The following CSMD3 variants were observed in gnomAD, a reference collection of about 807,000 sequenced individuals.
CSMD3 encodes the protein CUB and sushi domain-containing protein 3.
Under a neutral mutation model 435.2 loss-of-function variants are expected in CSMD3, and 177 were observed. The observed-to-expected ratio is 0.41, with a 90% CI of 0.36 to 0.46. The LOEUF is 0.46. Ranked by LOEUF, CSMD3 falls within the 20% of genes least tolerant of loss-of-function variation. The pLI is 0.34. For missense variants in CSMD3, 4,265 were observed against 4,504.6 expected, an observed-to-expected ratio of 0.95 and a Z score of 1.52; for synonymous variants, 1,656 against 1,520.5, an observed-to-expected ratio of 1.09 and a Z score of -2.07.
chr8:112,976,211 A>G (rs1480219549), intron 6 of CSMD3, 63 bp from the exon 7 acceptor site: 4 of 1,551,220 alleles, frequency 2.6e-6, no homozygotes, highest in Non-Finnish European at 3.5e-6. Context: ...ATTTTTTCTG[A>G]TAAATTTAAT....
At chr8:113,167,942 G>C (rs2092185769) in intron 4 of CSMD3, among the ~76,000 whole-genome samples, 1 of 152,178 alleles carries the variant, frequency 6.6e-6, no homozygotes, top group Non-Finnish European at 1.5e-5. Context: ...CTCAAAGTCT[G>C]TGCTAAAACA....
chr8:113,244,664 T>C (rs1340710033), intron 3 of CSMD3, among the ~76,000 whole-genome samples: 1 of 152,130 alleles, frequency 6.6e-6, no homozygotes, highest in South Asian at 2.1e-4. Flanking sequence ...TTCTTTGCCA[T>C]GTGAATATTC....
At position 113,129,013 on chromosome 8, in the gene CSMD3, ACT is replaced by A. The variant is rs572421416; in HGVS notation, c.710-30052_710-30051del. Among the ~76,000 whole-genome samples, 24 of 152,146 alleles carry A rather than the reference ACT, an allele frequency of 1.6e-4. No individual in the cohort carries two copies. In the South Asian group the frequency reaches 3.7e-3, roughly 24 times the overall value. On this transcript the variant is annotated intron_variant, in intron 4 of 70. Transcript: ENST00000297405. ...GAGAAAGTTAGTGATCTGTTACTAG[ACT>A]CTCTTCCATTTGGAAGTAATCAGTA...
In CSMD3 at chr8:112,829,704, G is replaced by T; in HGVS notation, c.1841C>A (p.Pro614His). Residue 614 changes from proline (P) to histidine (H), a missense_variant, in exon 12 of 71, where the codon CCT becomes CAT. By Grantham distance (77) the Pro-to-His change is moderately conservative. Coordinates refer to ENST00000297405, the MANE Select transcript of CSMD3 (RefSeq NM_198123.2). ...TIGDGGEVGD[P>H]RTVLQVLTGS... ...AACTTACACTTGGAGCACTGTCCTAGGATCTCCAACTTCGCCCCCATCGCC... is the reference window on the plus strand; with the variant it reads ...AACTTACACTTGGAGCACTGTCCTATGATCTCCAACTTCGCCCCCATCGCC... 1 of 1,607,856 alleles carries T rather than the reference G, an allele frequency of 6.2e-7. No individual in the cohort carries two copies. Among genetic ancestry groups the T allele is most frequent in the Non-Finnish European group, 8.5e-7 (1 of 1,174,442 alleles).
intron 24 of CSMD3, among the ~76,000 whole-genome samples, chr8:112,563,551 A>G (rs947569115): frequency 6.6e-6 from 1 of 151,974 alleles, no homozygotes; most frequent in Non-Finnish European, 1.5e-5. Flanking sequence ...TATCCTGTAC[A>G]TCATAGATTT....
At chr8:112,275,445 G>A (rs1817954414) in intron 59 of CSMD3, among the ~76,000 whole-genome samples, 1 of 152,152 alleles carries the variant, frequency 6.6e-6, no homozygotes, top group Non-Finnish European at 1.5e-5. Flanking sequence ...TACTCAGGAA[G>A]CTGAGGCAGG....
rs143540067 is a variant in CSMD3 at position 113,421,931 on chromosome 8, A to G, written c.178+14746T>C. Among the ~76,000 whole-genome samples, 246 of 152,282 alleles carry G rather than the reference A, an allele frequency of 1.6e-3. 2 individuals carry two copies. Among genetic ancestry groups the G allele is most frequent in the Non-Finnish European group, 1.9e-3 (132 of 68,012 alleles). On this transcript the variant is annotated intron_variant, in intron 1 of 70. Coordinates refer to ENST00000297405, the MANE Select transcript of CSMD3 (RefSeq NM_198123.2). ...GACAGGTTTGAGTGATTACTGGGAAACATTATCTGAATAATAAGACAACTT... is the reference window on the plus strand; with the variant it reads ...GACAGGTTTGAGTGATTACTGGGAAGCATTATCTGAATAATAAGACAACTT...
chr8:112,916,285 C>T (rs2082569168), intron 10 of CSMD3, among the ~76,000 whole-genome samples: 1 of 151,694 alleles, frequency 6.6e-6, no homozygotes, highest in South Asian at 2.1e-4. Flanking sequence ...TCTAATTGTT[C>T]AGGGAGTTTT....
chr8:112,389,985 A>G (rs1036714158), intron 36 of CSMD3, among the ~76,000 whole-genome samples: 8 of 152,172 alleles, frequency 5.3e-5, no homozygotes, highest in Admixed American at 3.9e-4. Flanking sequence ...CCTTGCTAAC[A>G]CAGATCTGGC....
intron 3 of CSMD3, among the ~76,000 whole-genome samples, chr8:113,276,882 T>C (rs773507910): frequency 6.6e-6 from 1 of 151,962 alleles, no homozygotes; most frequent in African/African-American, 2.4e-5. Context: ...GTCAAAAATA[T>C]ATGAATCTAT....
intron 3 of CSMD3, among the ~76,000 whole-genome samples, chr8:113,248,228 A>G (rs2093296292): frequency 6.6e-6 from 1 of 151,734 alleles, no homozygotes; most frequent in African/African-American, 2.4e-5. Context: ...TGTTGAATAC[A>G]ATGGTTAAAA....
At chr8:112,678,846 A>C (rs2075822992) in intron 16 of CSMD3, among the ~76,000 whole-genome samples, 1 of 152,140 alleles carries the variant, frequency 6.6e-6, no homozygotes, top group African/African-American at 2.4e-5. Flanking sequence ...ATATGAAGAT[A>C]ATTTAAAAGT....
rs547790802 is a variant in CSMD3, at chr8:113,424,475, G to C, written c.178+12202C>G. Among the ~76,000 whole-genome samples, 123 of 151,502 alleles carry C rather than the reference G, an allele frequency of 8.1e-4. 1 individual carries two copies. The highest frequency in any genetic ancestry group is 2.9e-3 in the African/African-American group (121 of 41,440). On this transcript the variant is annotated intron_variant, in intron 1 of 70. Coordinates refer to ENST00000297405, the MANE Select transcript of CSMD3 (RefSeq NM_198123.2). ...CTTGCTTTTTTTAGGTGTTGACCTT[G>C]ATAAGTTAGCTCAGTCTTCTTTCAT...
chr8:112,841,858 G>T (rs2080186651), intron 11 of CSMD3, among the ~76,000 whole-genome samples: 1 of 151,768 alleles, frequency 6.6e-6, no homozygotes, highest in South Asian at 2.1e-4. Flanking sequence ...ATTGATGTGG[G>T]TGACTTTACT....
chr8:112,269,659 T>C (rs1401874363), intron 59 of CSMD3, among the ~76,000 whole-genome samples: 1 of 152,146 alleles, frequency 6.6e-6, no homozygotes, highest in Non-Finnish European at 1.5e-5. Context: ...TTATAATTAA[T>C]ATCCCAAAAC....
At chr8:112,482,337 AT>A (rs376918796) in intron 31 of CSMD3, among the ~76,000 whole-genome samples, 22 of 152,364 alleles carry the variant, frequency 1.4e-4, no homozygotes, top group African/African-American at 5.3e-4. Context: ...CAGTTAATGT[AT>A]GATACTATGT....
Position 112,948,314 on chromosome 8 carries a change from A to T in CSMD3, c.1421-437T>A, listed in dbSNP as rs547493232. Among the ~76,000 whole-genome samples, 20 of 152,130 alleles carry T rather than the reference A, an allele frequency of 1.3e-4. No homozygotes were observed. In the South Asian group the frequency reaches 3.7e-3, roughly 28 times the overall value. On this transcript the variant is annotated intron_variant, in intron 8 of 70. Coordinates refer to ENST00000297405, the MANE Select transcript of CSMD3 (RefSeq NM_198123.2). ...ATAAAAAATACGACTTTATGAAAAA[A>T]GTTCAAAGTTCTAACACTTCTTATC...
chr8:112,541,291 C>G (rs1163145006), intron 27 of CSMD3, among the ~76,000 whole-genome samples: 1 of 151,600 alleles, frequency 6.6e-6, no homozygotes, highest in Non-Finnish European at 1.5e-5. Flanking sequence ...AATATAAAAA[C>G]ATAATAGAAA....
intron 48 of CSMD3, 53 bp downstream of exon 48, chr8:112,314,376 T>G (rs1822265978): frequency 7.8e-7 from 1 of 1,277,564 alleles, no homozygotes; most frequent in Non-Finnish European, 1.1e-6. Context: ...CATGTATAAT[T>G]AGAACATTTG....
Sources: allele counts gnomAD v4.1 joint callset (sites outside exome capture counted in the v4.1 genomes callset), GRCh38; gene constraint gnomAD v4.1.1; transcripts MANE v1.5; gene names NCBI Gene and HGNC (gene_info 2026-07-23, HGNC 2026-07-21).